LEPR: variants seen among roughly 807,000 people sequenced by gnomAD.
LEPR encodes leptin receptor, also known as OB receptor.
In LEPR, 56 loss-of-function variants were observed where a neutral mutation model predicts 114.7. The ratio of observed to expected loss-of-function variants is 0.49; its 90% CI spans 0.39 to 0.61. The LOEUF (loss-of-function observed/expected upper bound fraction) is 0.61, where lower values mean the gene tolerates loss of function less well. Among genes scored for constraint, LEPR ranks in the 20% least tolerant of loss-of-function variants. The pLI, the probability that LEPR is intolerant of heterozygous loss-of-function variation, is 0.00. For missense variants in LEPR, 1,202 were observed against 1,352.9 expected (o/e 0.89, Z 1.75); for synonymous variants, 443 against 461.4 (o/e 0.96, Z 0.51).
At chr1:65,529,028 T>C (rs919426735) in intron 2 of LEPR, among the ~76,000 whole-genome samples, 4 of 151,566 alleles carry the variant, frequency 2.6e-5, no homozygotes, top group African/African-American at 9.7e-5. Context: ...TTAGCCAGGA[T>C]GGTCTCAATC....
intron 14 of LEPR, among the ~76,000 whole-genome samples, chr1:65,615,794 C>T (rs1352806330): frequency 6.6e-6 from 1 of 152,102 alleles, no homozygotes; most frequent in Non-Finnish European, 1.5e-5. Context: ...AATAAGTTTG[C>T]TATGCTCCAT....
At chr1:65,533,479 T>C (rs1650544944) in intron 2 of LEPR, among the ~76,000 whole-genome samples, 2 of 152,134 alleles carry the variant, frequency 1.3e-5, no homozygotes, top group South Asian at 4.1e-4. Flanking sequence ...CAAGACAATG[T>C]TTCTTTATTA....
chr1:65,535,336 A>G (rs1468824448), intron 2 of LEPR, among the ~76,000 whole-genome samples: 1 of 150,396 alleles, frequency 6.6e-6, no homozygotes, highest in Non-Finnish European at 1.5e-5. Context: ...GTGTCTTGCA[A>G]CAACACTGCT....
At chr1:65,635,556 A>G (rs1246394167) in intron 19 of LEPR, 1 of 199,366 alleles carries the variant, frequency 5.0e-6, no homozygotes. Flanking sequence ...TCTACATATG[A>G]TATTATTAGC....
Position 65,608,891 on chromosome 1 carries a change from T to C in LEPR, c.1742T>C (p.Val581Ala), listed in dbSNP as rs2100964693. 1 of 1,613,698 alleles carries C rather than the reference T, an allele frequency of 6.2e-7. No individual in the cohort carries two copies. The highest frequency in any genetic ancestry group is 1.1e-5 in the South Asian group (1 of 91,042). ...QIRYGLSGKE[V>A]QWKMYEVYDA... Reference sequence around the variant, plus strand: ...CGCTATGGTTTAAGTGGAAAAGAAGTACAATGGAAGGTACCTTTTACTTAG... The same window carrying C: ...CGCTATGGTTTAAGTGGAAAAGAAGCACAATGGAAGGTACCTTTTACTTAG... Residue 581 changes from valine (V) to alanine (A), a missense_variant, in exon 12 of 20, where the codon GTA becomes GCA. By Grantham distance (64) the Val-to-Ala change is moderately conservative (BLOSUM62 0). Coordinates refer to ENST00000349533, the MANE Select transcript of LEPR (RefSeq NM_002303.6).
Position 65,596,429 on chromosome 1 carries a change from T to G in LEPR, c.704-19T>G, listed in dbSNP as rs768912603. The G allele has an allele frequency of 1.2e-6, 2 of 1,611,746 alleles. No individual in the cohort carries two copies. Among genetic ancestry groups the G allele is most frequent in the South Asian group, 2.2e-5 (2 of 91,012 alleles). ...TGAAAATTACTTGACTTAAAAGTAT[T>G]CTCTTTTTTTTCCTTAAGTGAAGCC... On this transcript the variant is annotated intron_variant, in intron 6 of 19. Coordinates refer to ENST00000349533, the MANE Select transcript of LEPR (RefSeq NM_002303.6).
intron 3 of LEPR, among the ~76,000 whole-genome samples, chr1:65,569,411 T>A (rs1653995697): frequency 6.6e-6 from 1 of 152,136 alleles, no homozygotes; most frequent in South Asian, 2.1e-4. Flanking sequence ...AAACAAATAT[T>A]TAAAAATAAG....
chr1:65,551,770 C>T (rs1652388088), intron 2 of LEPR, among the ~76,000 whole-genome samples: 1 of 152,064 alleles, frequency 6.6e-6, no homozygotes. Flanking sequence ...TCTGCTCTTG[C>T]TTCTCTAGTT....
At chr1:65,455,978 C>CT (rs1408961610) in intron 2 of LEPR, among the ~76,000 whole-genome samples, 2 of 152,170 alleles carry the variant, frequency 1.3e-5, no homozygotes, top group South Asian at 2.1e-4. Context: ...AGGGTATAAT[C>CT]TCCTGGTGCG....
intron 6 of LEPR, among the ~76,000 whole-genome samples, chr1:65,594,170 C>T (rs1655891699): frequency 6.6e-6 from 1 of 151,944 alleles, no homozygotes; most frequent in Non-Finnish European, 1.5e-5. Context: ...TCCTTTAGGA[C>T]ATAGCATTTG....
chr1:65,446,905 C>T (rs1646720684), intron 2 of LEPR, among the ~76,000 whole-genome samples: 1 of 152,142 alleles, frequency 6.6e-6, no homozygotes, highest in African/African-American at 2.4e-5. Context: ...AATCATGGCT[C>T]ACTGCAGCCT....
intron 2 of LEPR, among the ~76,000 whole-genome samples, chr1:65,488,159 C>CCTTCCTTT (rs1249504387): frequency 1.0e-3 from 68 of 65,458 alleles, no homozygotes; most frequent in South Asian, 2.1e-3. Context: ...TTCCTTCCTT[C>CCTTCCTTT]CTTTCTTTCT....
chr1:65,638,981 T>C lies in LEPR; in HGVS notation c.*1966T>C, dbSNP rs1246841257. ...ATGCTTATAGATTATTGGTATTTAA[T>C]TGAAGGTACAGTACAGAAGAGATAG... On this transcript the variant is annotated 3_prime_UTR_variant, in exon 20 of 20. Coordinates refer to ENST00000349533, the MANE Select transcript of LEPR (RefSeq NM_002303.6). 1 of 152,194 alleles carries C rather than the reference T, an allele frequency of 6.6e-6. No homozygotes were observed. The highest frequency in any genetic ancestry group is 2.4e-5 in the African/African-American group (1 of 41,452). The allele number at this position is 152,194 out of a possible 1,614,324, so 9.4% of individuals were successfully genotyped here. A position where few individuals can be genotyped will look rare whatever the true frequency, so the allele number is the denominator to read the frequency against.
At chr1:65,621,078 A>G (rs1309716639) in intron 17 of LEPR, among the ~76,000 whole-genome samples, 2 of 152,324 alleles carry the variant, frequency 1.3e-5, no homozygotes, top group South Asian at 2.1e-4. Context: ...TTGGCCCATT[A>G]TAATGTAAAA....
intron 2 of LEPR, among the ~76,000 whole-genome samples, chr1:65,455,301 T>C (rs1221681974): frequency 1.3e-5 from 2 of 152,258 alleles, no homozygotes; most frequent in Non-Finnish European, 2.9e-5. Flanking sequence ...TCATTCTCTG[T>C]CCAGCTTTGT....
intron 2 of LEPR, among the ~76,000 whole-genome samples, chr1:65,488,194 T>TTC (rs1553157680): frequency 9.1e-4 from 21 of 22,996 alleles, no homozygotes; most frequent in African/African-American, 2.5e-3. Context: ...CTTTCTTTCT[T>TTC]TCTTTCTTTC....
intron 2 of LEPR, among the ~76,000 whole-genome samples, chr1:65,517,585 T>A (rs1398493809): frequency 1.4e-4 from 21 of 152,154 alleles, no homozygotes; most frequent in Non-Finnish European, 1.8e-4. Context: ...TCAGTAACAT[T>A]TTTACTCTCT....
At chr1:65,550,802 C>G (rs753615177) in intron 2 of LEPR, among the ~76,000 whole-genome samples, 1 of 152,132 alleles carries the variant, frequency 6.6e-6, no homozygotes, top group Non-Finnish European at 1.5e-5. Context: ...TGCTTTGGCT[C>G]GCGCACAGCG....
chr1:65,510,265 G>T (rs1570583338), intron 2 of LEPR, among the ~76,000 whole-genome samples: 1 of 152,032 alleles, frequency 6.6e-6, no homozygotes, highest in East Asian at 1.9e-4. Context: ...CTCCTTTTTG[G>T]CTAAGCTATT....
Sources: allele counts gnomAD v4.1 joint callset (sites outside exome capture counted in the v4.1 genomes callset), GRCh38; gene constraint gnomAD v4.1.1; transcripts MANE v1.5; gene names NCBI Gene and HGNC (gene_info 2026-07-23, HGNC 2026-07-21).